Variants in SLC25A21 observed in about 807,000 individuals in gnomAD.
SLC25A21 encodes the protein mitochondrial 2-oxodicarboxylate carrier.
SLC25A21 carries 47 observed loss-of-function variants against 43.8 expected under a neutral mutation model. The observed-to-expected ratio is 1.07, with a 90% CI of 0.85 to 1.37. The LOEUF (loss-of-function observed/expected upper bound fraction) is 1.37, where lower values mean the gene tolerates loss of function less well. Ranked by LOEUF, SLC25A21 falls within the 40% of genes most tolerant of loss-of-function variation. The probability of loss-of-function intolerance (pLI) is 0.00; values close to 1 mark genes in which losing one functional copy is unlikely to be tolerated. For missense variants in SLC25A21, 352 were observed against 350.2 expected, an observed-to-expected ratio of 1.00 and a Z score of -0.04; for synonymous variants, 131 against 121.3, an observed-to-expected ratio of 1.08 and a Z score of -0.52.
chr14:36,919,273 AT>A (rs1322846896), intron 1 of SLC25A21, among the ~76,000 whole-genome samples: 2 of 152,218 alleles, frequency 1.3e-5, no homozygotes, highest in Admixed American at 1.3e-4. Context: ...GAAATCGTAT[AT>A]TAGGTTATGT....
At position 36,920,298 on chromosome 14, in the gene SLC25A21, C is replaced by G. The variant is rs189190514; in HGVS notation, c.71-45294G>C. The stretch of plus-strand genomic sequence containing the variant: ...TTATAGTTTTATTTCTGTCAGGCTC[C>G]TTTTGAAAACTGATATTCACACAGG... On this transcript the variant is annotated intron_variant, in intron 1 of 9. Coordinates refer to ENST00000331299, the MANE Select transcript of SLC25A21 (RefSeq NM_030631.4). Among the ~76,000 whole-genome samples the G allele has an allele frequency of 2.1e-3, 312 of 152,112 alleles. 1 individual carries two copies. The highest frequency in any genetic ancestry group is 6.3e-3 in the African/African-American group (263 of 41,542).
chr14:36,683,906 G>C, intron 8 of SLC25A21, 26 bp from the exon 9 acceptor site: 1 of 1,560,774 alleles, frequency 6.4e-7, no homozygotes, highest in Non-Finnish European at 8.7e-7. Context: ...AAAGAGAAAC[G>C]TTCTTATTCT....
intron 3 of SLC25A21, among the ~76,000 whole-genome samples, chr14:36,811,326 G>C (rs1888256749): frequency 4.6e-5 from 7 of 152,122 alleles, no homozygotes; most frequent in Admixed American, 3.3e-4. Flanking sequence ...AAATTAGAGG[G>C]TATATGTGTA....
intron 1 of SLC25A21, among the ~76,000 whole-genome samples, chr14:37,063,145 T>G (rs1961985544): frequency 6.6e-6 from 1 of 152,212 alleles, no homozygotes; most frequent in East Asian, 1.9e-4. Flanking sequence ...GCCCCCATGA[T>G]TCAATTACCT....
In SLC25A21 at chr14:36,812,194, AGGACAGTTGTGTTTTT is replaced by A. The variant is rs562751916; in HGVS notation, c.203+1708_203+1723del. Among the ~76,000 whole-genome samples, 51 of 152,308 alleles carry A rather than the reference AGGACAGTTGTGTTTTT, an allele frequency of 3.3e-4. 1 individual carries two copies. In the East Asian group the frequency reaches 8.7e-3, roughly 26 times the overall value. ...CAGTAACATTCAAAGGAATACACTT[AGGACAGTTGTGTTTTT>A]CATCTGTCAGATGGTAAACAGGAGA... On this transcript the variant is annotated intron_variant, in intron 3 of 9. Transcript: ENST00000331299.
Position 36,911,695 on chromosome 14 carries a change from C to T in SLC25A21, c.71-36691G>A, listed in dbSNP as rs543772308. Among the ~76,000 whole-genome samples the T allele has an allele frequency of 7.9e-5, 12 of 152,212 alleles. No homozygotes were observed. In the East Asian group the frequency reaches 2.3e-3, roughly 29 times the overall value. ...TGCCAGCTCTGCAAGGGAGTCTTGG[C>T]CACTGAAGCCCCAGCCACTATCTGA... On this transcript the variant is annotated intron_variant, in intron 1 of 9. Transcript: ENST00000331299.
intron 2 of SLC25A21, among the ~76,000 whole-genome samples, chr14:36,851,593 T>G (rs1295479075): frequency 1.3e-5 from 2 of 152,164 alleles, no homozygotes; most frequent in Non-Finnish European, 2.9e-5. Context: ...AATTAATCAA[T>G]TGAATGTGGC....
chr14:36,768,673 A>G (rs182579844), intron 3 of SLC25A21, among the ~76,000 whole-genome samples: 31 of 152,314 alleles, frequency 2.0e-4, no homozygotes, highest in African/African-American at 7.5e-4. Context: ...ACTTAACTGC[A>G]CTAAATCTTA....
intron 1 of SLC25A21, among the ~76,000 whole-genome samples, chr14:36,896,166 T>C (rs1891232749): frequency 6.6e-6 from 1 of 152,208 alleles, no homozygotes; most frequent in African/African-American, 2.4e-5. Flanking sequence ...TATTATTGTG[T>C]AGGAGTCTAA....
At position 36,764,471 on chromosome 14, in the gene SLC25A21, G is replaced by A. The variant is rs191033166; in HGVS notation, c.204-29898C>T. ...ATGAGATTGAAGCACAAGCTGCCAC[G>A]CGTGAAGAACGAGGTAATAGTAACA... On this transcript the variant is annotated intron_variant, in intron 3 of 9. Transcript: ENST00000331299. Among the ~76,000 whole-genome samples the A allele has an allele frequency of 6.0e-5, 9 of 150,028 alleles. No individual in the cohort carries two copies. In the East Asian group the frequency reaches 9.8e-4, roughly 16 times the overall value.
intron 1 of SLC25A21, among the ~76,000 whole-genome samples, chr14:36,946,728 C>T (rs1566760801): frequency 6.6e-6 from 1 of 152,144 alleles, no homozygotes; most frequent in Non-Finnish European, 1.5e-5. Flanking sequence ...AATGTCCAGC[C>T]TAGCAGTTCA....
Position 37,038,394 on chromosome 14 carries a change from C to A in SLC25A21, c.70+133887G>T, listed in dbSNP as rs1478086158. 2.0e-5 allele frequency among the ~76,000 whole-genome samples: 3 copies of A among 152,228 alleles called. No individual in the cohort carries two copies. The East Asian group carries it at 5.8e-4, about 29-fold the overall frequency. ...CTCTCCTTCAGCATTTCTGAAAGTC[C>A]TCTCCCCTTTCCCAAACTCAGGTTA... On this transcript the variant is annotated intron_variant, in intron 1 of 9. Coordinates refer to ENST00000331299, the MANE Select transcript of SLC25A21 (RefSeq NM_030631.4).
intron 1 of SLC25A21, among the ~76,000 whole-genome samples, chr14:36,997,705 T>C (rs1044553502): frequency 6.6e-6 from 1 of 151,750 alleles, no homozygotes. Context: ...GGCAGGTGCC[T>C]GTAATCCCAA....
intron 1 of SLC25A21, among the ~76,000 whole-genome samples, chr14:37,094,337 G>C (rs1962645540): frequency 6.6e-6 from 1 of 152,148 alleles, no homozygotes; most frequent in African/African-American, 2.4e-5. Context: ...TTACACACCA[G>C]ACTTGAAAAT....
chr14:37,047,643 CAG>C (rs1203426058), intron 1 of SLC25A21, among the ~76,000 whole-genome samples: 3 of 152,196 alleles, frequency 2.0e-5, no homozygotes, highest in Admixed American at 2.0e-4. Flanking sequence ...TCAGTCCCAG[CAG>C]AGTTTTGAAA....
At chr14:36,732,934 A>G (rs1305409825) in intron 4 of SLC25A21, among the ~76,000 whole-genome samples, 1 of 152,222 alleles carries the variant, frequency 6.6e-6, no homozygotes, top group Non-Finnish European at 1.5e-5. Flanking sequence ...TCTGGGACAC[A>G]TACACCATAT....
chr14:37,103,956 A>T (rs1402396031), intron 1 of SLC25A21, among the ~76,000 whole-genome samples: 1 of 152,126 alleles, frequency 6.6e-6, no homozygotes, highest in Non-Finnish European at 1.5e-5. Flanking sequence ...CCTGACCCAA[A>T]TCTGTATAGA....
chr14:37,052,077 G>T (rs1248725486), intron 1 of SLC25A21, among the ~76,000 whole-genome samples: 1 of 138,496 alleles, frequency 7.2e-6, no homozygotes, highest in East Asian at 2.0e-4. Flanking sequence ...ACCATGATTT[G>T]AATTATTTAA....
rs377332336 is a variant in SLC25A21 at position 37,029,105 on chromosome 14, T to C, written c.70+143176A>G. 2.2e-3 allele frequency among the ~76,000 whole-genome samples: 342 copies of C among 152,330 alleles called. 1 individual carries two copies. Among genetic ancestry groups the C allele is most frequent in the African/African-American group, 7.6e-3 (318 of 41,572 alleles). ...GGTCAATGTTCCTTAAATAAGTGGC[T>C]ATATCATATTCAGAGTTTTGATTCA... is the stretch of plus-strand genomic sequence containing the variant. On this transcript the variant is annotated intron_variant, in intron 1 of 9. Transcript: ENST00000331299.
Sources: allele counts gnomAD v4.1 joint callset (sites outside exome capture counted in the v4.1 genomes callset), GRCh38; gene constraint gnomAD v4.1.1; transcripts MANE v1.5; gene names NCBI Gene and HGNC (gene_info 2026-07-23, HGNC 2026-07-21).